The following PTPRN2 variants were observed in gnomAD, a reference collection of about 807,000 sequenced individuals.
The protein encoded by PTPRN2 is protein tyrosine phosphatase receptor type N2, also known as receptor-type tyrosine-protein phosphatase N2.
Under a neutral mutation model 118.8 loss-of-function variants are expected in PTPRN2, and 74 were observed. The observed-to-expected ratio is 0.62, with a 90% CI of 0.52 to 0.76. PTPRN2 has a LOEUF of 0.76. PTPRN2 is among the 30% of genes least tolerant of loss of function. PTPRN2 has a pLI of 0.00. For synonymous variants in PTPRN2, 641 were observed against 608.0 expected (o/e 1.05, Z -0.80); for missense variants, 1,481 against 1,394.4 (o/e 1.06, Z -0.99).
intron 6 of PTPRN2, among the ~76,000 whole-genome samples, chr7:158,159,534 G>A (rs1018444773): frequency 2.6e-5 from 4 of 152,254 alleles, no homozygotes; most frequent in Non-Finnish European, 4.4e-5. Flanking sequence ...CCAGGCTCTG[G>A]AGGGCGCAGA....
In PTPRN2 at chr7:158,484,353, CTTAT is replaced by C. The variant is rs1236046487; in HGVS notation, c.163+5378_163+5381del. Among the ~76,000 whole-genome samples, 9 of 152,162 alleles carry C rather than the reference CTTAT, an allele frequency of 5.9e-5. No individual in the cohort carries two copies. In the East Asian group the frequency reaches 1.7e-3, roughly 29 times the overall value. ...GACTTACCTCTCCTGGACTTATTTA[CTTAT>C]TTATTTACTTATTTATTTATTTAGA... is the stretch of plus-strand genomic sequence containing the variant. On this transcript the variant is annotated intron_variant, in intron 2 of 22. Coordinates refer to ENST00000389418, the MANE Select transcript of PTPRN2 (RefSeq NM_002847.5).
intron 2 of PTPRN2, among the ~76,000 whole-genome samples, chr7:158,337,783 C>A (rs113879187): frequency 2.4e-4 from 8 of 33,418 alleles, no homozygotes; most frequent in Admixed American, 5.1e-4. Flanking sequence ...TCACTCACAC[C>A]CACACTCTCA....
intron 12 of PTPRN2, among the ~76,000 whole-genome samples, chr7:157,834,620 A>T (rs538015618): frequency 1.3e-5 from 2 of 152,370 alleles, no homozygotes; most frequent in South Asian, 4.1e-4. Context: ...CTCACAGGGA[A>T]GTCAGGGCGA....
intron 11 of PTPRN2, among the ~76,000 whole-genome samples, chr7:157,955,191 C>A (rs1172071690): frequency 6.6e-6 from 1 of 152,134 alleles, no homozygotes; most frequent in Non-Finnish European, 1.5e-5. Context: ...GGTGTAGCTG[C>A]GAATTTTCTA....
In PTPRN2 at chr7:158,586,252, G is replaced by T. The variant is rs185206166; in HGVS notation, c.112+1306C>A. ...GCAAGGGAGGAATTCAGGGGACTCT[G>T]GCTTGAGGGAGGGGAGCGTCAACTC... On this transcript the variant is annotated intron_variant, in intron 1 of 22. Transcript: ENST00000389418. 4.7e-3 allele frequency among the ~76,000 whole-genome samples: 721 copies of T among 152,358 alleles called. 3 individuals carry two copies. The highest frequency in any genetic ancestry group is 0.017 in the African/African-American group (696 of 41,578).
At chr7:158,345,193 C>A (rs58336991) in intron 2 of PTPRN2, among the ~76,000 whole-genome samples, 2,934 of 152,264 alleles carry the variant, frequency 0.019, 86 homozygotes, top group African/African-American at 0.066. Flanking sequence ...ATAAACACCC[C>A]TCCCAGCAGA....
Position 158,146,256 on chromosome 7 carries a change from T to C in PTPRN2, c.911-7741A>G, listed in dbSNP as rs186863564. Among the ~76,000 whole-genome samples, 36 of 152,190 alleles carry C rather than the reference T, an allele frequency of 2.4e-4. 1 individual carries two copies. The East Asian group carries it at 6.6e-3, about 28-fold the overall frequency. On this transcript the variant is annotated intron_variant, in intron 6 of 22. Coordinates refer to ENST00000389418, the MANE Select transcript of PTPRN2 (RefSeq NM_002847.5). ...TCAAGATTATGCATTTTGAAACTAT[T>C]TTCTGCCAAAATATTAACCAAAATG...
At chr7:158,488,519 G>T (rs1821195033) in intron 2 of PTPRN2, among the ~76,000 whole-genome samples, 1 of 152,314 alleles carries the variant, frequency 6.6e-6, no homozygotes, top group Admixed American at 6.5e-5. Flanking sequence ...ACCCAGGGCT[G>T]GTCCCACCTC....
chr7:158,327,402 C>T (rs547530421), intron 2 of PTPRN2, among the ~76,000 whole-genome samples: 1 of 152,148 alleles, frequency 6.6e-6, no homozygotes, highest in South Asian at 2.1e-4. Context: ...CATGCTCACA[C>T]ATGCTCACAC....
At chr7:158,193,220 G>A (rs1285058928) in intron 4 of PTPRN2, among the ~76,000 whole-genome samples, 3 of 152,212 alleles carry the variant, frequency 2.0e-5, no homozygotes, top group Non-Finnish European at 4.4e-5. Context: ...GGCCAGCGAG[G>A]ACAAGGCCAA....
chr7:157,816,691 C>T (rs1011395918), intron 12 of PTPRN2, among the ~76,000 whole-genome samples: 1 of 152,218 alleles, frequency 6.6e-6, no homozygotes, highest in Non-Finnish European at 1.5e-5. Context: ...GAAAAGCAGG[C>T]AGGCTGGCAT....
intron 2 of PTPRN2, among the ~76,000 whole-genome samples, chr7:158,342,880 T>C (rs1336810518): frequency 6.6e-6 from 1 of 151,452 alleles, no homozygotes; most frequent in Non-Finnish European, 1.5e-5. Flanking sequence ...TGAGCCAAGA[T>C]CCAGGAAATA....
intron 12 of PTPRN2, among the ~76,000 whole-genome samples, chr7:157,802,225 C>A (rs940423837): frequency 6.6e-6 from 1 of 152,238 alleles, no homozygotes; most frequent in Admixed American, 6.5e-5. Context: ...GCCCTTGGAA[C>A]GGCCCCTTCC....
intron 21 of PTPRN2, among the ~76,000 whole-genome samples, chr7:157,557,552 CCACA>C (rs56360906): frequency 1.3e-5 from 2 of 149,626 alleles, no homozygotes; most frequent in East Asian, 2.0e-4. Flanking sequence ...ACACACACTC[CCACA>C]CACACACACA....
chr7:158,245,923 A>G (rs1006847337), intron 3 of PTPRN2, among the ~76,000 whole-genome samples: 1 of 151,996 alleles, frequency 6.6e-6, no homozygotes, highest in Non-Finnish European at 1.5e-5. Flanking sequence ...TCTGGCTCGC[A>G]GGCACACTGG....
chr7:158,491,621 C>T (rs982620475), intron 1 of PTPRN2, among the ~76,000 whole-genome samples: 10 of 152,120 alleles, frequency 6.6e-5, no homozygotes, highest in African/African-American at 1.9e-4. Context: ...TCCCAAGTGG[C>T]TGGGACTACA....
intron 12 of PTPRN2, among the ~76,000 whole-genome samples, chr7:157,709,058 C>G (rs1159098577): frequency 6.6e-6 from 1 of 152,212 alleles, no homozygotes; most frequent in African/African-American, 2.4e-5. Flanking sequence ...GGCAGAGGAG[C>G]GAGCCGAGAG....
At chr7:157,685,420 C>T (rs927791158) in intron 12 of PTPRN2, among the ~76,000 whole-genome samples, 106 of 152,190 alleles carry the variant, frequency 7.0e-4, no homozygotes, top group African/African-American at 2.4e-3. Context: ...GTGGCGGACC[C>T]GGCAGTGGCA....
chr7:158,333,442 T>C (rs1210385162), intron 2 of PTPRN2, among the ~76,000 whole-genome samples: 3 of 140,234 alleles, frequency 2.1e-5, no homozygotes, highest in East Asian at 4.1e-4. Flanking sequence ...AGGTGACACC[T>C]GCAGACGTCT....
Sources: gnomAD v4.1 joint callset for allele counts (sites outside exome capture counted in the v4.1 genomes callset) on GRCh38, gnomAD v4.1.1 for gene constraint, MANE v1.5 for transcripts, NCBI Gene and HGNC (gene_info 2026-07-23, HGNC 2026-07-21) for gene names.